Variants in ADCK1 observed in about 807,000 individuals in gnomAD.
ADCK1 encodes the protein aarF domain containing kinase 1.
ADCK1 carries 41 observed loss-of-function variants against 52.3 expected under a neutral mutation model. The ratio of observed to expected loss-of-function variants is 0.78; its 90% confidence interval spans 0.61 to 1.02. The LOEUF (loss-of-function observed/expected upper bound fraction) is 1.02. Among genes scored for constraint, ADCK1 ranks in the 50% least tolerant of loss-of-function variants. The pLI, the probability that ADCK1 is intolerant of heterozygous loss-of-function variation, is 0.00. For synonymous variants in ADCK1, 250 were observed against 274.6 expected (o/e 0.91, Z 0.89); for missense variants, 658 against 679.5 (o/e 0.97, Z 0.35).
At chr14:77,809,900 T>A (rs562290610) in intron 1 of ADCK1, among the ~76,000 whole-genome samples, 3 of 150,842 alleles carry the variant, frequency 2.0e-5, no homozygotes, top group African/African-American at 7.3e-5. Flanking sequence ...TAGCCGGGCG[T>A]GGTGGCACCT....
At chr14:77,892,245 C>T (rs1399497149) in intron 5 of ADCK1, among the ~76,000 whole-genome samples, 2 of 152,146 alleles carry the variant, frequency 1.3e-5, no homozygotes, top group African/African-American at 2.4e-5. Context: ...AAGAGGTGAC[C>T]TTCTACACCC....
chr14:77,877,321 A>G (rs1460205257), intron 4 of ADCK1, among the ~76,000 whole-genome samples: 1 of 152,210 alleles, frequency 6.6e-6, no homozygotes, highest in African/African-American at 2.4e-5. Flanking sequence ...CTACCTCCTG[A>G]AGCCCAGGAC....
intron 5 of ADCK1, among the ~76,000 whole-genome samples, chr14:77,893,930 T>C (rs2083339178): frequency 6.6e-6 from 1 of 152,136 alleles, no homozygotes; most frequent in African/African-American, 2.4e-5. Flanking sequence ...GACGGGGTTT[T>C]GCCTTGTTGG....
intron 7 of ADCK1, among the ~76,000 whole-genome samples, chr14:77,921,494 C>A (rs1057398938): frequency 6.6e-6 from 1 of 152,094 alleles, no homozygotes; most frequent in African/African-American, 2.4e-5. Flanking sequence ...GTTAGTCCCA[C>A]GTAGCCGCTA....
intron 6 of ADCK1, among the ~76,000 whole-genome samples, chr14:77,902,980 G>A (rs191079040): frequency 6.2e-4 from 94 of 152,314 alleles, no homozygotes; most frequent in African/African-American, 2.2e-3. Context: ...TTTACCGGCA[G>A]GGGTGCCCCT....
At chr14:77,814,667 C>T (rs1421751953) in intron 1 of ADCK1, among the ~76,000 whole-genome samples, 1 of 128,342 alleles carries the variant, frequency 7.8e-6, no homozygotes, top group Non-Finnish European at 1.6e-5. Context: ...CATTGCATTC[C>T]AGCCTGGGTG....
At chr14:77,872,502 A>G (rs531463961) in intron 4 of ADCK1, among the ~76,000 whole-genome samples, 2 of 151,666 alleles carry the variant, frequency 1.3e-5, no homozygotes, top group East Asian at 3.9e-4. Flanking sequence ...AAGAAGAGGG[A>G]AGTGGGGTGT....
intron 3 of ADCK1, among the ~76,000 whole-genome samples, chr14:77,839,033 G>C (rs540446947): frequency 5.3e-5 from 8 of 152,344 alleles, no homozygotes; most frequent in South Asian, 4.1e-4. Context: ...GCCACACACA[G>C]AGTGGTCTCA....
At chr14:77,846,614 C>T (rs1162410976) in intron 3 of ADCK1, among the ~76,000 whole-genome samples, 2 of 152,204 alleles carry the variant, frequency 1.3e-5, no homozygotes, top group African/African-American at 2.4e-5. Context: ...TGTTCTGGAT[C>T]CTCCAACAGA....
chr14:77,894,756 TTTTTTTTTA>T (rs1445694101), intron 5 of ADCK1, among the ~76,000 whole-genome samples: 1 of 123,450 alleles, frequency 8.1e-6, no homozygotes. Flanking sequence ...TTTTTTTTTT[TTTTTTTTTA>T]GATGGAGTCT....
intron 6 of ADCK1, among the ~76,000 whole-genome samples, chr14:77,901,277 C>T (rs149828570): frequency 1.5e-3 from 224 of 151,440 alleles, no homozygotes; most frequent in African/African-American, 5.0e-3. Context: ...CTTGAACTCC[C>T]GACCTCAAAT....
intron 1 of ADCK1, among the ~76,000 whole-genome samples, chr14:77,812,023 G>GT (rs2081347672): frequency 1.3e-5 from 2 of 152,024 alleles, no homozygotes; most frequent in African/African-American, 4.8e-5. Flanking sequence ...ACAAATAATT[G>GT]TATCTATTCA....
intron 4 of ADCK1, among the ~76,000 whole-genome samples, chr14:77,864,512 G>A (rs55898805): frequency 0.044 from 6,673 of 152,156 alleles, 298 homozygotes; most frequent in African/African-American, 0.11. Flanking sequence ...GATGGGAGGG[G>A]GTAAAAGGTG....
chr14:77,853,378 C>T (rs764596752), intron 3 of ADCK1, among the ~76,000 whole-genome samples: 1 of 151,992 alleles, frequency 6.6e-6, no homozygotes, highest in Non-Finnish European at 1.5e-5. Context: ...TCTCAGCCTC[C>T]CAAAATGCTG....
intron 4 of ADCK1, among the ~76,000 whole-genome samples, chr14:77,884,526 A>G (rs17106537): frequency 0.033 from 5,000 of 152,188 alleles, 151 homozygotes; most frequent in South Asian, 0.12. Context: ...TGAGAACACT[A>G]TATCCATCAG....
At chr14:77,853,379 C>T (rs2082353562) in intron 3 of ADCK1, among the ~76,000 whole-genome samples, 1 of 152,056 alleles carries the variant, frequency 6.6e-6, no homozygotes, top group Admixed American at 6.5e-5. Context: ...CTCAGCCTCC[C>T]AAAATGCTGG....
At chr14:77,850,565 A>G (rs2082261205) in intron 3 of ADCK1, among the ~76,000 whole-genome samples, 1 of 151,858 alleles carries the variant, frequency 6.6e-6, no homozygotes, top group African/African-American at 2.4e-5. Flanking sequence ...ATCCCTGATA[A>G]TATTCTTTTC....
intron 3 of ADCK1, among the ~76,000 whole-genome samples, chr14:77,831,733 G>C (rs986704478): frequency 6.6e-6 from 1 of 151,880 alleles, no homozygotes; most frequent in East Asian, 1.9e-4. Flanking sequence ...GGGATTACAG[G>C]TGTGAGCCAC....
chr14:77,907,544 A>T (rs1214611915), intron 6 of ADCK1, among the ~76,000 whole-genome samples: 1 of 152,224 alleles, frequency 6.6e-6, no homozygotes. Flanking sequence ...TCTTAACAGC[A>T]TTAGAAGGCA....
Sources: allele counts gnomAD v4.1 joint callset (sites outside exome capture counted in the v4.1 genomes callset), GRCh38; gene constraint gnomAD v4.1.1; transcripts MANE v1.5; gene names NCBI Gene and HGNC (gene_info 2026-07-23, HGNC 2026-07-21).